EFCAB3: variants seen among roughly 807,000 people sequenced by gnomAD.
EFCAB3 encodes the protein EF-hand calcium binding domain 3, also known as EF-hand calcium-binding domain-containing protein 3.
A neutral mutation model predicts 42.2 loss-of-function variants in EFCAB3; 36 were observed. The observed-to-expected ratio is 0.85, with a 90% CI of 0.65 to 1.13. The LOEUF is 1.13. Among genes scored for constraint, EFCAB3 ranks in the 50% most tolerant of loss-of-function variants. The pLI is 0.00. For synonymous variants in EFCAB3, 170 were observed against 172.8 expected (o/e 0.98, Z 0.13); for missense variants, 418 against 505.1 (o/e 0.83, Z 1.65).
intron 9 of EFCAB3, among the ~76,000 whole-genome samples, chr17:62,414,730 A>G (rs1268743419): frequency 6.6e-6 from 1 of 152,180 alleles, no homozygotes; most frequent in Non-Finnish European, 1.5e-5. Flanking sequence ...CTAGAAAGCC[A>G]GGAGCTATCC....
chr17:62,409,271 G>T (rs940151988), intron 8 of EFCAB3, among the ~76,000 whole-genome samples: 3 of 152,082 alleles, frequency 2.0e-5, no homozygotes, highest in African/African-American at 7.2e-5. Flanking sequence ...TGGTCAGGCT[G>T]GTCTCAAACT....
intron 4 of EFCAB3, among the ~76,000 whole-genome samples, chr17:62,392,242 T>C (rs74566238): frequency 0.062 from 9,407 of 150,824 alleles, 439 homozygotes; most frequent in South Asian, 0.25. Context: ...TATATCTATG[T>C]ATACACCACA....
In EFCAB3 at chr17:62,405,384, G is replaced by A. The variant is rs1265138090; in HGVS notation, c.489-1096G>A. ...TCTTCCTGAGAGGAAAGAAAAGGTT[G>A]TCTGTCACCATCCCAGAGAGTAGTG... On this transcript the variant is annotated intron_variant, in intron 6 of 9. Transcript: ENST00000305286. 3.9e-5 allele frequency among the ~76,000 whole-genome samples: 6 copies of A among 152,224 alleles called. No individual in the cohort carries two copies. In the East Asian group the frequency reaches 1.2e-3, roughly 29 times the overall value.
chr17:62,410,513 G>A (rs2070485999), intron 8 of EFCAB3, among the ~76,000 whole-genome samples: 1 of 152,068 alleles, frequency 6.6e-6, no homozygotes, highest in Non-Finnish European at 1.5e-5. Flanking sequence ...CAACACTTTA[G>A]GAGGCCAAGG....
At chr17:62,395,515 G>A (rs962245901) in intron 6 of EFCAB3, among the ~76,000 whole-genome samples, 1 of 152,080 alleles carries the variant, frequency 6.6e-6, no homozygotes, top group African/African-American at 2.4e-5. Context: ...ATAATTTTGG[G>A]TGGGCTTAGA....
At chr17:62,408,539 A>G (rs8074112) in intron 8 of EFCAB3, among the ~76,000 whole-genome samples, 37,308 of 152,202 alleles carry the variant, frequency 0.25, 7,752 homozygotes, top group East Asian at 0.57. Flanking sequence ...AATTGTAGCC[A>G]CTAGTAGCTG....
At chr17:62,392,200 T>G (rs1181409868) in intron 4 of EFCAB3, among the ~76,000 whole-genome samples, 1 of 149,990 alleles carries the variant, frequency 6.7e-6, no homozygotes, top group Non-Finnish European at 1.5e-5. Flanking sequence ...ATTTGAATAC[T>G]ATATACAAAT....
At chr17:62,404,861 T>C (rs2070435365) in intron 6 of EFCAB3, among the ~76,000 whole-genome samples, 1 of 152,202 alleles carries the variant, frequency 6.6e-6, no homozygotes, top group Admixed American at 6.6e-5. Flanking sequence ...AGTTTTGGTA[T>C]GTAATATACA....
chr17:62,413,107 A>G (rs1301290061), intron 8 of EFCAB3, among the ~76,000 whole-genome samples: 1 of 152,192 alleles, frequency 6.6e-6, no homozygotes, highest in Non-Finnish European at 1.5e-5. Context: ...CAAAAGTCAA[A>G]TGCATTTTTA....
intron 3 of EFCAB3, among the ~76,000 whole-genome samples, chr17:62,390,286 T>C (rs2070292288): frequency 6.6e-6 from 1 of 152,138 alleles, no homozygotes; most frequent in South Asian, 2.1e-4. Context: ...ATTCTTTGAA[T>C]ATGAGAGAGG....
Position 62,398,171 on chromosome 17 carries a change from G to A in EFCAB3, c.488+2983G>A, listed in dbSNP as rs74542187. 88 of 214,114 alleles carry A rather than the reference G, an allele frequency of 4.1e-4. No homozygotes were observed. In the East Asian group the frequency reaches 7.4e-3, roughly 18 times the overall value. The allele number at this position is 214,114 out of a possible 1,614,324, so 13.3% of individuals were successfully genotyped here. On this transcript the variant is annotated intron_variant, in intron 6 of 9. Coordinates refer to ENST00000305286, the MANE Select transcript of EFCAB3 (RefSeq NM_173503.4). ...TTAATAGTGAAAACACTGTAGTGAC[G>A]GGCCAGGCGTGATGGCTCACGTCTG...
chr17:62,393,959 T>C (rs1391889100), intron 5 of EFCAB3, among the ~76,000 whole-genome samples: 1 of 24,874 alleles, frequency 4.0e-5, no homozygotes, highest in Non-Finnish European at 2.6e-3. Flanking sequence ...TTATTTTGTC[T>C]TTTTTTTTTT....
At chr17:62,381,365 A>G (rs1327622078) in intron 1 of EFCAB3, among the ~76,000 whole-genome samples, 1 of 151,918 alleles carries the variant, frequency 6.6e-6, no homozygotes. Flanking sequence ...TCCATGGTGT[A>G]TATGTGCCAC....
At chr17:62,388,129 T>G (rs1309080357) in intron 3 of EFCAB3, among the ~76,000 whole-genome samples, 1 of 151,952 alleles carries the variant, frequency 6.6e-6, no homozygotes, top group Non-Finnish European at 1.5e-5. Context: ...GAGAATTGCT[T>G]GAACCCAGGA....
At chr17:62,396,687 G>T (rs1313057979) in intron 6 of EFCAB3, among the ~76,000 whole-genome samples, 1 of 152,004 alleles carries the variant, frequency 6.6e-6, no homozygotes. Context: ...AAGGCCAGAA[G>T]CTCCATACCA....
At chr17:62,376,210 C>T (rs946186567), upstream of EFCAB3, among the ~76,000 whole-genome samples, 4 of 152,166 alleles carry the variant, frequency 2.6e-5, no homozygotes, top group South Asian at 2.1e-4. Flanking sequence ...CGGTGGCTCA[C>T]GCCTGTAATC....
intron 1 of EFCAB3, among the ~76,000 whole-genome samples, chr17:62,372,356 C>A (rs897402306): frequency 2.6e-5 from 4 of 152,020 alleles, no homozygotes; most frequent in African/African-American, 9.7e-5. Context: ...TGGGCTCAAC[C>A]TTGCAACCTC....
At chr17:62,409,066 A>AT (rs558347299) in intron 8 of EFCAB3, among the ~76,000 whole-genome samples, 13 of 151,556 alleles carry the variant, frequency 8.6e-5, no homozygotes, top group South Asian at 2.1e-4. Context: ...CACTTTAATA[A>AT]TTTTTTTTTG....
intron 8 of EFCAB3, among the ~76,000 whole-genome samples, chr17:62,409,590 T>G (rs1003626881): frequency 6.6e-6 from 1 of 151,950 alleles, no homozygotes; most frequent in African/African-American, 2.4e-5. Context: ...TAAAAATTTT[T>G]GAACAAATAA....
Sources: gnomAD v4.1 joint callset for allele counts (sites outside exome capture counted in the v4.1 genomes callset) on GRCh38, gnomAD v4.1.1 for gene constraint, MANE v1.5 for transcripts, NCBI Gene and HGNC (gene_info 2026-07-23, HGNC 2026-07-21) for gene names.